The following RIOK2 variants were observed in gnomAD, a reference collection of about 807,000 sequenced individuals.
The protein encoded by RIOK2 is RIO kinase 2, also known as serine/threonine-protein kinase RIO2.
RIOK2 carries 46 observed loss-of-function variants against 62.4 expected under a neutral mutation model. The ratio of observed to expected loss-of-function variants is 0.74; its 90% CI spans 0.58 to 0.94. RIOK2 has a LOEUF of 0.94. Ranked by LOEUF, RIOK2 falls within the 40% of genes least tolerant of loss-of-function variation. RIOK2 has a pLI of 0.00. For missense variants in RIOK2, 574 were observed against 658.0 expected (o/e 0.87, Z 1.40); for synonymous variants, 197 against 216.0 (o/e 0.91, Z 0.77).
chr5:97,182,785 G>T (rs6887704), intron 1 of RIOK2: 8 of 235,110 alleles, frequency 3.4e-5, no homozygotes, highest in Admixed American at 1.0e-4. Flanking sequence ...TCTCGGGGGG[G>T]GGGGGGGGCT....
intron 1 of RIOK2, among the ~76,000 whole-genome samples, chr5:97,179,997 A>AT (rs1397549838): frequency 1.5e-4 from 8 of 53,440 alleles, no homozygotes; most frequent in African/African-American, 4.3e-4. Flanking sequence ...TATAAAATAT[A>AT]TATATATTAT....
intron 5 of RIOK2, among the ~76,000 whole-genome samples, chr5:97,172,339 A>G (rs1320747625): frequency 6.6e-6 from 1 of 152,150 alleles, no homozygotes; most frequent in Non-Finnish European, 1.5e-5. Flanking sequence ...GTTTCTATAC[A>G]TGGTAGATTT....
At position 97,167,739 on chromosome 5, in the gene RIOK2, T is replaced by G. The variant is rs562480362; in HGVS notation, c.1125A>C (p.Gln375His). 3 of 1,614,186 alleles carry G rather than the reference T, an allele frequency of 1.9e-6. No individual in the cohort carries two copies. In the East Asian group the frequency reaches 6.7e-5, roughly 36 times the overall value. Reference sequence around the variant, plus strand: ...CTTCTGATAAACTGTCTTCCTTTATTTGTTCAGGGTCTCCAGATGATCTGC... The same window carrying G: ...CTTCTGATAAACTGTCTTCCTTTATGTGTTCAGGGTCTCCAGATGATCTGC... ...CYCRSSGDPE[Q>H]IKEDSLSEES... is the part of the protein sequence containing the mutation. The change falls in exon 8 of 10, where the codon CAA (glutamine) becomes CAC (histidine). Residue 375 changes from glutamine to histidine, a missense_variant. By Grantham distance (24) the Gln-to-His change is conservative. Coordinates refer to ENST00000283109, the MANE Select transcript of RIOK2 (RefSeq NM_018343.3).
intron 6 of RIOK2, 40 bp downstream of exon 6, chr5:97,171,166 A>G: frequency 1.5e-6 from 2 of 1,294,950 alleles, no homozygotes; most frequent in Non-Finnish European, 2.0e-6. Context: ...TCTCCAAAAA[A>G]ATAAAATAAA....
In RIOK2 at chr5:97,163,109, C is replaced by T; in HGVS notation, c.1611G>A (p.Met537Ile). 1 of 1,613,332 alleles carries T rather than the reference C, an allele frequency of 6.2e-7. No homozygotes were observed. Residue 537 changes from methionine to isoleucine, a missense_variant, in exon 10 of 10, where the codon ATG becomes ATA. Met to Ile is a conservative substitution (Grantham distance 10). Coordinates refer to ENST00000283109, the MANE Select transcript of RIOK2 (RefSeq NM_018343.3). ...NIFTKQRREN[M>I]QNIKSSLEAA... ...CTTCCAAACTTGATTTGATATTTTG[C>T]ATGTTTTCCCTACGTTGCTTGGTAA...
chr5:97,169,983 T>A (rs1379795817), intron 6 of RIOK2, among the ~76,000 whole-genome samples: 1 of 152,222 alleles, frequency 6.6e-6, no homozygotes, highest in East Asian at 1.9e-4. Flanking sequence ...TTTAGTATTA[T>A]TTTGTTGAAA....
Position 97,162,278 on chromosome 5 carries a change from A to C in RIOK2, c.*783T>G, listed in dbSNP as rs1393689890. ...GAATTATAAAGTCCTTGAGGAAGGGACCATGGCTATGTATTTTCTTTCCTG... is the reference window on the plus strand; with the variant it reads ...GAATTATAAAGTCCTTGAGGAAGGGCCCATGGCTATGTATTTTCTTTCCTG... On this transcript the variant is annotated 3_prime_UTR_variant, in exon 10 of 10. Coordinates refer to ENST00000283109, the MANE Select transcript of RIOK2 (RefSeq NM_018343.3). 4 of 152,222 alleles carry C rather than the reference A, an allele frequency of 2.6e-5. No individual in the cohort carries two copies. The East Asian group carries it at 7.7e-4, about 29-fold the overall frequency. The allele number at this position is 152,222 out of a possible 1,614,324, so 9.4% of individuals were successfully genotyped here.
Position 97,161,569 on chromosome 5 carries a change from T to A in RIOK2, c.*1492A>T, listed in dbSNP as rs888224346. 3 of 152,200 alleles carry A rather than the reference T, an allele frequency of 2.0e-5. No individual in the cohort carries two copies. The highest frequency in any genetic ancestry group is 7.2e-5 in the African/African-American group (3 of 41,456). The allele number at this position is 152,200 out of a possible 1,614,324, so 9.4% of individuals were successfully genotyped here. ...ATGAGGTAAGGCCTCCATTTCTGAT[T>A]GGAATAATTAATTCCTTGGCCCACA... On this transcript the variant is annotated 3_prime_UTR_variant, in exon 10 of 10. Coordinates refer to ENST00000283109, the MANE Select transcript of RIOK2 (RefSeq NM_018343.3).
rs778600356 is a variant in RIOK2 at position 97,177,116 on chromosome 5, C to T, written c.498G>A (p.Lys166=). The T allele has an allele frequency of 1.9e-6, 3 of 1,607,786 alleles. No individual in the cohort carries two copies. In the African/African-American group the frequency reaches 4.0e-5, roughly 22 times the overall value. ...LSAMKEFAYM[K]ALYERKFPVP... ...CATGACTACAAAATAAAATAAATACCTTCATATAGGCAAATTCCTTCATGG... is the reference window on the plus strand; with the variant it reads ...CATGACTACAAAATAAAATAAATACTTTCATATAGGCAAATTCCTTCATGG... Residue 166 remains lysine (K), a splice_region_variant and synonymous_variant, in exon 4 of 10, where the codon AAG becomes AAA. Transcript: ENST00000283109.
At chr5:97,166,324 C>T (rs1314204328) in intron 8 of RIOK2, 3 of 455,724 alleles carry the variant, frequency 6.6e-6, no homozygotes, top group Non-Finnish European at 8.8e-6. Flanking sequence ...ATTTAATTTT[C>T]CAAGTTTATT....
chr5:97,167,589 A>G lies in RIOK2; in HGVS notation c.1275T>C (p.Asn425=), dbSNP rs757689584. 3.7e-6 allele frequency: 6 copies of G among 1,614,030 alleles called. No individual in the cohort carries two copies. The highest frequency in any genetic ancestry group is 1.3e-5 in the African/African-American group (1 of 74,920). ...EFSEEKNRTE[N]YNRQDGQRVQ... ...CTCTCTGACCATCTTGCCTGTTGTA[A>G]TTTTCAGTTCTGTTTTTCTCCTCAG... Residue 425 remains asparagine (N), a synonymous_variant, in exon 8 of 10, where the codon AAT becomes AAC. Coordinates refer to ENST00000283109, the MANE Select transcript of RIOK2 (RefSeq NM_018343.3).
At chr5:97,180,800 G>T (rs1429592484) in intron 1 of RIOK2, among the ~76,000 whole-genome samples, 2 of 152,042 alleles carry the variant, frequency 1.3e-5, no homozygotes, top group East Asian at 3.9e-4. Context: ...TATTATGGGA[G>T]AGCTTGGCAA....
In RIOK2 at chr5:97,160,867, T is replaced by C. The variant is rs1033944462; in HGVS notation, c.*2194A>G. On this transcript the variant is annotated 3_prime_UTR_variant, in exon 10 of 10. Transcript: ENST00000283109. ...AAAGTTAGCACAAATATAAACCGCA[T>C]AGTTTGTAGGAAAAGTTTATTTAAT... The C allele has an allele frequency of 1.3e-5, 2 of 152,264 alleles. No homozygotes were observed. The highest frequency in any genetic ancestry group is 6.5e-5 in the Admixed American group (1 of 15,298). The allele number at this position is 152,264 out of a possible 1,614,324, so 9.4% of individuals were successfully genotyped here. A position where few individuals can be genotyped will look rare whatever the true frequency, so the allele number is the denominator to read the frequency against.
At chr5:97,182,939 G>T in intron 1 of RIOK2, 187 bp downstream of exon 1, 3 of 710,376 alleles carry the variant, frequency 4.2e-6, no homozygotes, top group Non-Finnish European at 5.1e-6. Context: ...CTATCTGGGG[G>T]AAGGTAAGCT....
chr5:97,183,071 G>A, intron 1 of RIOK2, 55 bp downstream of exon 1: 2 of 1,581,784 alleles, frequency 1.3e-6, no homozygotes, highest in East Asian at 2.2e-5. Context: ...GCAGGAACAG[G>A]AAGAGGTCAC....
In RIOK2 at chr5:97,171,334, G is replaced by T; in HGVS notation, c.651C>A (p.Val217=). 6.2e-7 allele frequency: 1 copy of T among 1,609,132 alleles called. No individual in the cohort carries two copies. The highest frequency in any genetic ancestry group is 1.1e-5 in the South Asian group (1 of 90,086). The change falls in exon 6 of 10, where the codon GTC becomes GTA. Residue 217 remains valine, a synonymous_variant. Transcript: ENST00000283109. ...SVYDEAMELI[V]KLANHGLIHG... The stretch of plus-strand genomic sequence containing the variant: ...GAATCAGCCCATGATTTGCAAGTTT[G>T]ACAATTAGTTCCATAGCTTCATCAT...
intron 2 of RIOK2, among the ~76,000 whole-genome samples, chr5:97,178,353 C>CTTCATG (rs1332901829): frequency 2.4e-4 from 1 of 4,194 alleles, no homozygotes; most frequent in African/African-American, 6.4e-4. Context: ...TCTTCATGCT[C>CTTCATG]TTCTACAGTA....
intron 1 of RIOK2, among the ~76,000 whole-genome samples, chr5:97,182,289 T>C (rs1749434809): frequency 6.6e-6 from 1 of 152,208 alleles, no homozygotes; most frequent in Non-Finnish European, 1.5e-5. Flanking sequence ...CCTTTTCCGC[T>C]ACATCTCCAA....
intron 4 of RIOK2, among the ~76,000 whole-genome samples, chr5:97,175,514 A>T (rs959592524): frequency 1.3e-5 from 2 of 152,310 alleles, no homozygotes; most frequent in Non-Finnish European, 2.9e-5. Flanking sequence ...CCTGAAAAAC[A>T]CCTACTACCC....
Sources: allele counts gnomAD v4.1 joint callset (sites outside exome capture counted in the v4.1 genomes callset), GRCh38; gene constraint gnomAD v4.1.1; transcripts MANE v1.5; gene names NCBI Gene and HGNC (gene_info 2026-07-23, HGNC 2026-07-21).